The following NKAIN3 variants were observed in gnomAD, a reference collection of about 807,000 sequenced individuals.
NKAIN3 encodes the protein sodium/potassium-transporting ATPase subunit beta-1-interacting protein 3.
Under a neutral mutation model 30.2 loss-of-function variants are expected in NKAIN3, and 25 were observed. The ratio of observed to expected loss-of-function variants is 0.83; its 90% CI spans 0.60 to 1.16. NKAIN3 has a LOEUF of 1.16. Among genes scored for constraint, NKAIN3 ranks in the 50% most tolerant of loss-of-function variants. The pLI is 0.00. For missense variants in NKAIN3, 225 were observed against 254.1 expected (o/e 0.89, Z 0.78); for synonymous variants, 91 against 89.6 (o/e 1.02, Z -0.09).
chr8:62,333,514 T>G (rs1454037006), intron 1 of NKAIN3, among the ~76,000 whole-genome samples: 3 of 152,072 alleles, frequency 2.0e-5, no homozygotes. Flanking sequence ...GCAGTGCCCT[T>G]ACTGGAATCT....
At chr8:62,445,281 C>A (rs1018926799) in intron 1 of NKAIN3, among the ~76,000 whole-genome samples, 2 of 150,952 alleles carry the variant, frequency 1.3e-5, no homozygotes, top group Admixed American at 1.3e-4. Context: ...GATTTTGAGT[C>A]TTTTCCATAT....
At chr8:62,538,982 TC>T (rs1447233071) in intron 1 of NKAIN3, among the ~76,000 whole-genome samples, 3 of 152,300 alleles carry the variant, frequency 2.0e-5, no homozygotes, top group Admixed American at 2.0e-4. Context: ...GCTCCCACTA[TC>T]CTTTAAGCAC....
intron 3 of NKAIN3, among the ~76,000 whole-genome samples, chr8:62,648,928 G>T (rs1812548316): frequency 6.6e-6 from 1 of 152,090 alleles, no homozygotes; most frequent in African/African-American, 2.4e-5. Context: ...TGGAGCAATG[G>T]CATCCGGAGC....
intron 3 of NKAIN3, among the ~76,000 whole-genome samples, chr8:62,682,060 T>C (rs1813659330): frequency 6.6e-6 from 1 of 152,090 alleles, no homozygotes; most frequent in South Asian, 2.1e-4. Context: ...CTCCAAGAAC[T>C]ACTGCAGGAA....
intron 4 of NKAIN3, among the ~76,000 whole-genome samples, chr8:62,781,784 G>T (rs1817360292): frequency 6.6e-6 from 1 of 150,878 alleles, no homozygotes; most frequent in Non-Finnish European, 1.5e-5. Context: ...ATGGATTAAA[G>T]ATTTTAAGGT....
chr8:62,344,563 G>C (rs530953567), intron 1 of NKAIN3, among the ~76,000 whole-genome samples: 2 of 152,178 alleles, frequency 1.3e-5, no homozygotes, highest in South Asian at 4.1e-4. Flanking sequence ...CACTACAATA[G>C]TGTATGTAGA....
intron 3 of NKAIN3, among the ~76,000 whole-genome samples, chr8:62,741,944 T>C (rs1345870059): frequency 6.6e-6 from 1 of 152,098 alleles, no homozygotes; most frequent in Non-Finnish European, 1.5e-5. Flanking sequence ...TATTTTTGGG[T>C]TTCTCTGTTT....
At chr8:62,287,041 A>G (rs966419189) in intron 1 of NKAIN3, among the ~76,000 whole-genome samples, 5 of 150,576 alleles carry the variant, frequency 3.3e-5, no homozygotes, top group African/African-American at 1.2e-4. Context: ...CCCTCATACT[A>G]CTATCTGCAT....
rs182500604 is a variant in NKAIN3 at position 62,365,180 on chromosome 8, C to G, written c.54+116053C>G. Among the ~76,000 whole-genome samples, 11 of 152,156 alleles carry G rather than the reference C, an allele frequency of 7.2e-5. No homozygotes were observed. In the East Asian group the frequency reaches 1.9e-3, roughly 27 times the overall value. ...TCAAAAGATTTTGTCTCATAATACT[C>G]TATTATTATTAGTTTGATAAATTTC... On this transcript the variant is annotated intron_variant, in intron 1 of 6. Transcript: ENST00000623646.
chr8:62,771,416 A>G (rs1162734998), intron 4 of NKAIN3, among the ~76,000 whole-genome samples: 1 of 152,178 alleles, frequency 6.6e-6, no homozygotes, highest in Non-Finnish European at 1.5e-5. Context: ...AAGCAGTTTC[A>G]ATAATAGATT....
chr8:62,868,514 C>A lies in NKAIN3; in HGVS notation c.472-49939C>A, dbSNP rs11996599. ...GAGAATTTTTGCTTGGATTAACCCT[C>A]GACCTGGTTCAGCTTCAGACTAAAA... On this transcript the variant is annotated intron_variant, in intron 4 of 6. Coordinates refer to ENST00000623646, the MANE Select transcript of NKAIN3 (RefSeq NM_001304533.3). Among the ~76,000 whole-genome samples the A allele has an allele frequency of 1.1e-3, 162 of 152,256 alleles. 2 individuals are homozygous for A. The highest frequency in any genetic ancestry group is 3.8e-3 in the African/African-American group (158 of 41,562).
intron 1 of NKAIN3, among the ~76,000 whole-genome samples, chr8:62,489,277 G>A (rs923433841): frequency 1.1e-4 from 16 of 151,508 alleles, no homozygotes; most frequent in East Asian, 2.0e-4. Flanking sequence ...TGCCCGCCTC[G>A]GCCTCCCAAA....
chr8:62,788,578 C>CTTTTGGTG (rs1817599619), intron 4 of NKAIN3, among the ~76,000 whole-genome samples: 1 of 152,092 alleles, frequency 6.6e-6, no homozygotes, highest in Non-Finnish European at 1.5e-5. Context: ...GTTGCCATTG[C>CTTTTGGTG]TTTTGGTGTT....
At chr8:62,877,193 C>G (rs903923804) in intron 4 of NKAIN3, among the ~76,000 whole-genome samples, 2 of 152,036 alleles carry the variant, frequency 1.3e-5, no homozygotes, top group African/African-American at 4.8e-5. Context: ...AAAGGCTCCT[C>G]CTATCTTATG....
chr8:62,526,675 T>A (rs1808312665), intron 1 of NKAIN3, among the ~76,000 whole-genome samples: 1 of 152,030 alleles, frequency 6.6e-6, no homozygotes, highest in Admixed American at 6.6e-5. Flanking sequence ...AAATACAGAA[T>A]TACAGAACAT....
rs578018534 is a variant in NKAIN3, at chr8:62,305,164, T to C, written c.54+56037T>C. On this transcript the variant is annotated intron_variant, in intron 1 of 6. Coordinates refer to ENST00000623646, the MANE Select transcript of NKAIN3 (RefSeq NM_001304533.3). The stretch of plus-strand genomic sequence containing the variant: ...ATAGCATGTTACTCACCATTCATTA[T>C]ATAATACTTAAAGGATTTTTTTTTT... 4.0e-5 allele frequency among the ~76,000 whole-genome samples: 6 copies of C among 149,034 alleles called. No homozygotes were observed. In the South Asian group the frequency reaches 6.2e-4, roughly 15 times the overall value.
At chr8:62,529,641 C>A (rs1033204201) in intron 1 of NKAIN3, among the ~76,000 whole-genome samples, 11 of 152,134 alleles carry the variant, frequency 7.2e-5, no homozygotes, top group African/African-American at 2.7e-4. Flanking sequence ...GACACTGAAT[C>A]TGTCAGTGCC....
intron 6 of NKAIN3, among the ~76,000 whole-genome samples, chr8:62,955,789 C>T (rs1014335745): frequency 6.6e-6 from 1 of 152,160 alleles, no homozygotes; most frequent in Non-Finnish European, 1.5e-5. Context: ...ATCAAAAACA[C>T]CCAAAACATA....
intron 3 of NKAIN3, among the ~76,000 whole-genome samples, chr8:62,620,643 A>G (rs1393665827): frequency 6.6e-6 from 1 of 152,176 alleles, no homozygotes; most frequent in African/African-American, 2.4e-5. Context: ...TAACACAAAA[A>G]GAAAGGTAGT....
Sources: gnomAD v4.1 joint callset for allele counts (sites outside exome capture counted in the v4.1 genomes callset) on GRCh38, gnomAD v4.1.1 for gene constraint, MANE v1.5 for transcripts, NCBI Gene and HGNC (gene_info 2026-07-23, HGNC 2026-07-21) for gene names.